Variants in ZMYM2 observed in about 807,000 individuals in gnomAD.
The protein encoded by ZMYM2 is zinc finger MYM-type protein 2.
Under a neutral mutation model 162.8 loss-of-function variants are expected in ZMYM2, and 56 were observed. The ratio of observed to expected loss-of-function variants is 0.34; its 90% confidence interval spans 0.28 to 0.43. ZMYM2 has a LOEUF of 0.43. ZMYM2 is among the 20% of genes least tolerant of loss of function. ZMYM2 has a pLI of 1.00. For synonymous variants in ZMYM2, 510 were observed against 541.6 expected, an observed-to-expected ratio of 0.94 and a Z score of 0.81; for missense variants, 1,275 against 1,621.8, an observed-to-expected ratio of 0.79 and a Z score of 3.67.
the ZMYM2 span, among the ~76,000 whole-genome samples, chr13:19,952,272 A>G: frequency 6.6e-6 from 1 of 152,164 alleles, no homozygotes; most frequent in African/African-American, 2.4e-5. Context: ...GATATGGGTC[A>G]AAAGATAGAA....
At chr13:20,074,530 C>T (rs1160833705) in intron 21 of ZMYM2, among the ~76,000 whole-genome samples, 1 of 151,674 alleles carries the variant, frequency 6.6e-6, no homozygotes, top group Non-Finnish European at 1.5e-5. Context: ...AGCCACTGTG[C>T]CCGGCTTCCT....
chr13:19,877,739 G>A, the ZMYM2 span, among the ~76,000 whole-genome samples: 1 of 152,118 alleles, frequency 6.6e-6, no homozygotes, highest in Non-Finnish European at 1.5e-5. Flanking sequence ...TCCTTTTTAA[G>A]ACTAAACAAT....
the ZMYM2 span, among the ~76,000 whole-genome samples, chr13:19,895,961 A>T: frequency 6.6e-6 from 1 of 151,790 alleles, no homozygotes; most frequent in Non-Finnish European, 1.5e-5. Context: ...CTGATCTACA[A>T]CATTAATGAA....
chr13:19,932,716 CCAGCAAGAAGGTGGCTGTCT>C, the ZMYM2 span, among the ~76,000 whole-genome samples: 1 of 152,016 alleles, frequency 6.6e-6, no homozygotes, highest in Non-Finnish European at 1.5e-5. Context: ...ATGTGAAGAT[CCAGCAAGAAGGTGGCTGTCT>C]ACAAGTCAGG....
the ZMYM2 span, among the ~76,000 whole-genome samples, chr13:19,914,221 T>C: frequency 2.6e-5 from 4 of 152,180 alleles, no homozygotes; most frequent in Non-Finnish European, 4.4e-5. Flanking sequence ...TGTGAAGATA[T>C]TTGTGTCTCA....
chr13:19,959,374 C>T (rs1307128419), intron 1 of ZMYM2, among the ~76,000 whole-genome samples: 2 of 152,144 alleles, frequency 1.3e-5, no homozygotes, highest in African/African-American at 4.8e-5. Flanking sequence ...TCTGCTCCGC[C>T]GGGTCCCCTC....
At chr13:19,911,373 T>C in the ZMYM2 span, among the ~76,000 whole-genome samples, 1 of 152,084 alleles carries the variant, frequency 6.6e-6, no homozygotes, top group African/African-American at 2.4e-5. Flanking sequence ...TTCTCAGTCT[T>C]GACACAATTT....
chr13:20,051,333 T>G (rs923666026), intron 12 of ZMYM2, 100 bp from the exon 13 acceptor site: 2 of 1,183,308 alleles, frequency 1.7e-6, no homozygotes, highest in African/African-American at 3.1e-5. Flanking sequence ...TTTTTCTGTA[T>G]CAGTCACGGT....
At chr13:19,895,269 A>G in the ZMYM2 span, among the ~76,000 whole-genome samples, 7 of 151,836 alleles carry the variant, frequency 4.6e-5, no homozygotes, top group African/African-American at 1.7e-4. Context: ...AATTACAAAT[A>G]AAATTACCAT....
Position 20,011,573 on chromosome 13 carries a change from G to GTTTTTTTTTTTTTTTTTTTTT in ZMYM2, c.1512+4991_1512+4992insTTTTTTTTTTTTTTTTTTTTT, listed in dbSNP as rs764404253. Among the ~76,000 whole-genome samples the GTTTTTTTTTTTTTTTTTTTTT allele has an allele frequency of 2.8e-5, 4 of 144,202 alleles. 1 individual carries two copies. Among genetic ancestry groups the GTTTTTTTTTTTTTTTTTTTTT allele is most frequent in the Admixed American group, 6.8e-5 (1 of 14,656 alleles). The allele number at this position is 144,202 out of a possible 152,430, so 94.6% of individuals were successfully genotyped here. ...GATGTGCAGAAGTTTTTATTTTTTT[G>GTTTTTTTTTTTTTTTTTTTTT]TTTTATTTTTTTTTTTTTTGAGGGG... On this transcript the variant is annotated intron_variant, in intron 6 of 24. Transcript: ENST00000610343.
intron 14 of ZMYM2, among the ~76,000 whole-genome samples, 175 bp downstream of exon 14, chr13:20,052,486 A>G (rs754374544): frequency 6.6e-6 from 1 of 152,048 alleles, no homozygotes; most frequent in South Asian, 2.1e-4. Flanking sequence ...CATGCATGCT[A>G]AAGAATATAA....
In ZMYM2 at chr13:20,088,191, A is replaced by G. The variant is rs1958378187; in HGVS notation, c.*2177A>G. On this transcript the variant is annotated 3_prime_UTR_variant, in exon 25 of 25. Transcript: ENST00000610343. ...TTGTCTTTGTCTTGATTGCAATCCAACGATAGATTAACTTGATTCTCAGGG... is the reference window on the plus strand; with the variant it reads ...TTGTCTTTGTCTTGATTGCAATCCAGCGATAGATTAACTTGATTCTCAGGG... 3 of 206,322 alleles carry G rather than the reference A, an allele frequency of 1.5e-5. No homozygotes were observed. Among genetic ancestry groups the G allele is most frequent in the Admixed American group, 5.9e-5 (1 of 16,842 alleles). 12.8% of individuals were successfully genotyped at this position (206,322 alleles called of 1,614,324 possible). A position where few individuals can be genotyped will look rare whatever the true frequency, so the allele number is the denominator to read the frequency against.
intron 21 of ZMYM2, among the ~76,000 whole-genome samples, chr13:20,076,600 C>T (rs1392125263): frequency 6.7e-6 from 1 of 149,630 alleles, no homozygotes; most frequent in African/African-American, 2.5e-5. Context: ...AATTTTTCTC[C>T]AGAATTTTTA....
the ZMYM2 span, among the ~76,000 whole-genome samples, chr13:19,947,817 C>T: frequency 7.9e-5 from 12 of 151,960 alleles, no homozygotes; most frequent in Non-Finnish European, 1.8e-4. Flanking sequence ...TTTAAAAATC[C>T]GTTTACCTAT....
the ZMYM2 span, among the ~76,000 whole-genome samples, chr13:19,941,325 A>C: frequency 3.5e-4 from 53 of 151,854 alleles, no homozygotes; most frequent in Middle Eastern, 3.4e-3. Context: ...AAAAAAACAA[A>C]AAAAAAAAAG....
intron 18 of ZMYM2, among the ~76,000 whole-genome samples, chr13:20,063,245 A>G (rs564204536): frequency 6.6e-6 from 1 of 151,934 alleles, no homozygotes; most frequent in East Asian, 1.9e-4. Context: ...TCTACTAAAA[A>G]TATAAAAATT....
chr13:20,024,370 A>G (rs767751107), intron 7 of ZMYM2: 6 of 207,346 alleles, frequency 2.9e-5, no homozygotes, highest in African/African-American at 4.6e-5. Flanking sequence ...AATCCAAGGA[A>G]TAGACTCACT....
chr13:20,019,945 T>A, intron 7 of ZMYM2: 3 of 73,008 alleles, frequency 4.1e-5, no homozygotes, highest in Admixed American at 2.3e-4. Context: ...TGTGCCTACC[T>A]GAAAAGTTAA....
At chr13:20,078,728 GATTTCA>G in intron 21 of ZMYM2, among the ~76,000 whole-genome samples, 1 of 152,036 alleles carries the variant, frequency 6.6e-6, no homozygotes, top group Non-Finnish European at 1.5e-5. Context: ...ATATATACAA[GATTTCA>G]AAGAATTGGT....
Sources: gnomAD v4.1 joint callset for allele counts (sites outside exome capture counted in the v4.1 genomes callset) on GRCh38, gnomAD v4.1.1 for gene constraint, MANE v1.5 for transcripts, NCBI Gene and HGNC (gene_info 2026-07-23, HGNC 2026-07-21) for gene names.